RRP12: variants seen among roughly 807,000 people sequenced by gnomAD.
RRP12 encodes the protein RRP12-like protein.
RRP12 carries 78 observed loss-of-function variants against 157.3 expected under a neutral mutation model. The ratio of observed to expected loss-of-function variants is 0.50; its 90% confidence interval spans 0.41 to 0.60. The LOEUF is 0.60. Among genes scored for constraint, RRP12 ranks in the 20% least tolerant of loss-of-function variants. The pLI is 0.00. For missense variants in RRP12, 1,521 were observed against 1,679.9 expected, an observed-to-expected ratio of 0.91 and a Z score of 1.65; for synonymous variants, 726 against 670.9, an observed-to-expected ratio of 1.08 and a Z score of -1.27.
intron 21 of RRP12, 23 bp downstream of exon 21, chr10:97,370,900 G>A (rs563425119): frequency 6.2e-7 from 1 of 1,613,304 alleles, no homozygotes; most frequent in African/African-American, 1.3e-5. Flanking sequence ...CCTCGGCAGA[G>A]CGGGTGGCCC....
chr10:97,384,724 C>T (rs552821913), intron 10 of RRP12, among the ~76,000 whole-genome samples: 15 of 145,584 alleles, frequency 1.0e-4, no homozygotes, highest in South Asian at 2.2e-4. Context: ...GCAGCCTGGA[C>T]GGAGACCCTG....
chr10:97,379,571 TCCAGGGGAGAGAACAAG>T (rs1844405276), intron 14 of RRP12, 40 bp downstream of exon 14: 6 of 1,603,742 alleles, frequency 3.7e-6, no homozygotes. Flanking sequence ...AGACATCCTT[TCCAGGGGAGAGAACAAG>T]CCTGGGGCTT....
chr10:97,361,559 C>T (rs533918207), intron 30 of RRP12, among the ~76,000 whole-genome samples: 4 of 152,338 alleles, frequency 2.6e-5, no homozygotes, highest in South Asian at 2.1e-4. Flanking sequence ...CTGGGCAGAG[C>T]GAACAGGCTG....
At chr10:97,388,829 T>C (rs1202496381) in intron 6 of RRP12, among the ~76,000 whole-genome samples, 2 of 152,210 alleles carry the variant, frequency 1.3e-5, no homozygotes, top group Non-Finnish European at 2.9e-5. Context: ...TTCAAATCCC[T>C]GCTCTACAAC....
At chr10:97,379,447 T>C (rs747977250) in intron 14 of RRP12, 33 bp from the exon 15 acceptor site, 1 of 1,612,890 alleles carries the variant, frequency 6.2e-7, no homozygotes, top group Non-Finnish European at 8.5e-7. Context: ...CCAATGAGGA[T>C]GAGGGGACAG....
chr10:97,365,240 G>T lies in RRP12; in HGVS notation c.3517+868C>A, dbSNP rs115409218. Among the ~76,000 whole-genome samples the T allele has an allele frequency of 6.3e-3, 957 of 151,772 alleles. 9 individuals carry two copies. The highest frequency in any genetic ancestry group is 0.022 in the African/African-American group (911 of 41,352). On this transcript the variant is annotated intron_variant, in intron 29 of 33. Transcript: ENST00000370992. ...CTCGCAGCACTGGGAACCAAACAAAGGGATGACAGGTGTGTTCTTGAAGAC... is the reference window on the plus strand; with the variant it reads ...CTCGCAGCACTGGGAACCAAACAAATGGATGACAGGTGTGTTCTTGAAGAC...
intron 10 of RRP12, among the ~76,000 whole-genome samples, chr10:97,383,190 A>G (rs528442146): frequency 6.6e-6 from 1 of 152,304 alleles, no homozygotes; most frequent in South Asian, 2.1e-4. Flanking sequence ...CGGGACGCAC[A>G]ATGGGGCCTA....
rs1374579832 is a variant in RRP12, at chr10:97,400,450, G to A, written c.224C>T (p.Pro75Leu). The A allele has an allele frequency of 6.2e-7, 1 of 1,614,096 alleles. No individual in the cohort carries two copies. Among genetic ancestry groups the A allele is most frequent in the Non-Finnish European group, 8.5e-7 (1 of 1,180,020 alleles). ...GSLRLGKSEA[P>L]ETPMEEEAEL... The stretch of plus-strand genomic sequence containing the variant: ...CGCCTCTTCTTCCATGGGCGTCTCC[G>A]GGGCTTCGCTTTTGCCCAAGCGCAA... Residue 75 changes from proline to leucine, a missense_variant, in exon 2 of 34, where the codon CCG becomes CTG. By Grantham distance (98) the Pro-to-Leu change is moderately conservative. Transcript: ENST00000370992.
chr10:97,365,792 A>C (rs1843959137), intron 29 of RRP12: 1 of 263,460 alleles, frequency 3.8e-6, no homozygotes, highest in Non-Finnish European at 7.2e-6. Context: ...AGAGGAAGGA[A>C]GAAAAGGAGA....
intron 20 of RRP12, 167 bp from the exon 21 acceptor site, chr10:97,371,248 C>T (rs1163620396): frequency 8.5e-6 from 6 of 709,642 alleles, no homozygotes; most frequent in Non-Finnish European, 7.0e-6. Flanking sequence ...AACTCCTGGG[C>T]GAGGCACAGG....
rs778440947 is a variant in RRP12, at chr10:97,358,966, G to A, written c.3685C>T (p.Pro1229Ser). ...IHRPVAKKAMPGAEYKAKKAK... is the reference protein window; with the variant it reads ...IHRPVAKKAMSGAEYKAKKAK... ...ACCTTGGCCTTGTATTCAGCCCCAG[G>A]CATAGCCTTCTTGGCCACAGGGCGA... is the stretch of plus-strand genomic sequence containing the variant. The change falls in exon 32 of 34, where the codon CCT (proline) becomes TCT (serine). Residue 1229 changes from proline (P) to serine (S), a missense_variant. Coordinates refer to ENST00000370992, the MANE Select transcript of RRP12 (RefSeq NM_015179.4). The A allele has an allele frequency of 6.2e-7, 1 of 1,613,770 alleles. No individual in the cohort carries two copies. Among genetic ancestry groups the A allele is most frequent in the South Asian group, 1.1e-5 (1 of 91,066 alleles).
chr10:97,357,032 G>T lies in RRP12; in HGVS notation c.*62C>A. ...CTTGAGCACCTGGAGCTGGTGGCAA[G>T]GCAGCCTGGGGGCTGAAAGGGCCTC... is the stretch of plus-strand genomic sequence containing the variant. On this transcript the variant is annotated 3_prime_UTR_variant, in exon 34 of 34. Coordinates refer to ENST00000370992, the MANE Select transcript of RRP12 (RefSeq NM_015179.4). 1 of 948,838 alleles carries T rather than the reference G, an allele frequency of 1.1e-6. No individual in the cohort carries two copies. The highest frequency in any genetic ancestry group is 1.7e-6 in the Non-Finnish European group (1 of 603,384). 58.8% of individuals were successfully genotyped at this position (948,838 alleles called of 1,614,324 possible).
In RRP12 at chr10:97,388,477, T is replaced by A; in HGVS notation, c.889+12A>T. Reference sequence around the variant, plus strand: ...GCCTCCCATCCACCTGCCCTCCATTTGGGTTCCCCACCTCCAGACTTCTCA... The same window carrying A: ...GCCTCCCATCCACCTGCCCTCCATTAGGGTTCCCCACCTCCAGACTTCTCA... On this transcript the variant is annotated intron_variant, in intron 7 of 33. Coordinates refer to ENST00000370992, the MANE Select transcript of RRP12 (RefSeq NM_015179.4). 3 of 1,613,988 alleles carry A rather than the reference T, an allele frequency of 1.9e-6. No individual in the cohort carries two copies. Among genetic ancestry groups the A allele is most frequent in the Non-Finnish European group, 1.7e-6 (2 of 1,179,872 alleles).
intron 3 of RRP12, 109 bp from the exon 4 acceptor site, chr10:97,393,869 G>A (rs1050325876): frequency 1.6e-5 from 13 of 800,966 alleles, no homozygotes; most frequent in South Asian, 3.2e-5. Context: ...TGAGAACCAC[G>A]GTATCAGAGG....
At chr10:97,400,158 TAGG>T in intron 2 of RRP12, 144 bp downstream of exon 2, 1 of 674,068 alleles carries the variant, frequency 1.5e-6, no homozygotes, top group East Asian at 2.5e-5. Flanking sequence ...GAACCTGCCC[TAGG>T]AGGAGACATA....
intron 15 of RRP12, among the ~76,000 whole-genome samples, chr10:97,375,629 A>T (rs1844284273): frequency 1.3e-5 from 2 of 152,206 alleles, no homozygotes; most frequent in South Asian, 4.1e-4. Flanking sequence ...CAGGGTTTAT[A>T]GGTAACATTA....
At position 97,373,224 on chromosome 10, in the gene RRP12, A is replaced by G. The variant is rs1844209620; in HGVS notation, c.2027-24T>C. ...CTCTGGTAAAAGGATCAAAGTTTGC[A>G]CTAAAGGCACAGGAGCTGACTGTGC... On this transcript the variant is annotated intron_variant, in intron 17 of 33. Coordinates refer to ENST00000370992, the MANE Select transcript of RRP12 (RefSeq NM_015179.4). 2.5e-6 allele frequency: 4 copies of G among 1,611,574 alleles called. No individual in the cohort carries two copies. In the African/African-American group the frequency reaches 4.0e-5, roughly 16 times the overall value.
intron 19 of RRP12, 96 bp from the exon 20 acceptor site, chr10:97,372,262 G>T (rs1033654408): frequency 9.2e-6 from 8 of 870,002 alleles, no homozygotes; most frequent in Non-Finnish European, 1.4e-5. Flanking sequence ...GGAGGTGGGA[G>T]AAGTCAGGGT....
In RRP12 at chr10:97,370,449, C is replaced by T; in HGVS notation, c.2689+6G>A. Reference sequence around the variant, plus strand: ...GAGTGTCCACCCCCAGCCCCCTGGGCCTCACCTTCCTGGTTCGAGCCAAAC... The same window carrying T: ...GAGTGTCCACCCCCAGCCCCCTGGGTCTCACCTTCCTGGTTCGAGCCAAAC... On this transcript the variant is annotated splice_donor_region_variant and intron_variant, in intron 23 of 33. Coordinates refer to ENST00000370992, the MANE Select transcript of RRP12 (RefSeq NM_015179.4). 1.3e-6 allele frequency: 2 copies of T among 1,589,020 alleles called. No homozygotes were observed. Among genetic ancestry groups the T allele is most frequent in the Non-Finnish European group, 1.7e-6 (2 of 1,167,470 alleles).
Sources: allele counts gnomAD v4.1 joint callset (sites outside exome capture counted in the v4.1 genomes callset), GRCh38; gene constraint gnomAD v4.1.1; transcripts MANE v1.5; gene names NCBI Gene and HGNC (gene_info 2026-07-23, HGNC 2026-07-21).